Variants in CELF2 observed in about 807,000 individuals in gnomAD.
CELF2 encodes CUG triplet repeat RNA-binding protein 2.
CELF2 carries 8 observed loss-of-function variants against 62.6 expected under a neutral mutation model. That is an observed-to-expected ratio of 0.13 (90% CI 0.07 to 0.23). CELF2 has a LOEUF of 0.23. Ranked by LOEUF, CELF2 falls within the 10% of genes least tolerant of loss-of-function variation. CELF2 has a pLI of 1.00. For synonymous variants in CELF2, 258 were observed against 250.0 expected (o/e 1.03, Z -0.30); for missense variants, 333 against 671.0 (o/e 0.50, Z 5.56).
the CELF2 span, among the ~76,000 whole-genome samples, chr10:10,758,795 A>G: frequency 4.6e-5 from 7 of 152,250 alleles, no homozygotes; most frequent in Admixed American, 4.6e-4. Context: ...GTGCAATGAA[A>G]TAAGTCATCC....
chr10:10,912,957 G>A (rs368222490), intron 1 of CELF2, among the ~76,000 whole-genome samples: 33 of 152,312 alleles, frequency 2.2e-4, no homozygotes, highest in African/African-American at 7.0e-4. Context: ...GCTTTTCTAA[G>A]GATTAAGTGA....
At chr10:10,836,828 G>A (rs1208374531) in intron 1 of CELF2, among the ~76,000 whole-genome samples, 1 of 152,018 alleles carries the variant, frequency 6.6e-6, no homozygotes, top group Non-Finnish European at 1.5e-5. Flanking sequence ...ATAGAGATGG[G>A]GTTTCACCGC....
chr10:10,772,141 C>T, the CELF2 span, among the ~76,000 whole-genome samples: 8 of 151,830 alleles, frequency 5.3e-5, no homozygotes, highest in African/African-American at 1.5e-4. Flanking sequence ...TGTACCTTAC[C>T]GGAAGTATTA....
rs567206437 is a variant in CELF2, at chr10:11,280,786, G to A, written c.841+5666G>A. Among the ~76,000 whole-genome samples, 1 of 152,242 alleles carries A rather than the reference G, an allele frequency of 6.6e-6. No individual in the cohort carries two copies. The highest frequency in any genetic ancestry group is 2.1e-4 in the South Asian group (1 of 4,826). ...GAAACGGTGCCCTCACTGCCCTCCAGCCTCAGTCCTGGTTGGAGTGAGATG... is the reference window on the plus strand; with the variant it reads ...GAAACGGTGCCCTCACTGCCCTCCAACCTCAGTCCTGGTTGGAGTGAGATG... On this transcript the variant is annotated intron_variant, in intron 8 of 12. Transcript: ENST00000633077. The surrounding 1 kb of genome is among the most constrained non-coding windows in gnomAD (Gnocchi z 7.6).
chr10:11,209,944 G>A lies in CELF2; in HGVS notation c.272-7481G>A, dbSNP rs574875353. On this transcript the variant is annotated intron_variant, in intron 2 of 12. Transcript: ENST00000633077. The stretch of plus-strand genomic sequence containing the variant: ...GAAGCCAAGATCCCAGTTGCAGTTC[G>A]ACTTGTGTGAAGCAGGCACCTGCTT... 5.3e-5 allele frequency among the ~76,000 whole-genome samples: 8 copies of A among 152,298 alleles called. No individual in the cohort carries two copies. In the East Asian group the frequency reaches 1.2e-3, roughly 22 times the overall value.
the CELF2 span, among the ~76,000 whole-genome samples, chr10:10,587,701 A>T: frequency 6.6e-6 from 1 of 152,166 alleles, no homozygotes; most frequent in Non-Finnish European, 1.5e-5. Context: ...AAAACTATCC[A>T]CGTTAGCCCT....
At chr10:10,787,922 T>A in the CELF2 span, among the ~76,000 whole-genome samples, 2 of 152,198 alleles carry the variant, frequency 1.3e-5, no homozygotes, top group African/African-American at 4.8e-5. Context: ...GTTCAAATCA[T>A]TATGGGATGT....
rs1446396984 is a variant in CELF2, at chr10:11,336,138, G to A, written c.*7085G>A. ...CCACAGCAGTCGCACGCAGCCGATG[G>A]GCTCGGACTCTTAGCTGGCAGGCTA... On this transcript the variant is annotated 3_prime_UTR_variant, in exon 13 of 13. Coordinates refer to ENST00000633077, the MANE Select transcript of CELF2 (RefSeq NM_001326342.2). The surrounding 1 kb of genome is among the most constrained non-coding windows in gnomAD (Gnocchi z 5.4). The A allele has an allele frequency of 6.5e-6, 1 of 152,694 alleles. No individual in the cohort carries two copies. Among genetic ancestry groups the A allele is most frequent in the Non-Finnish European group, 1.5e-5 (1 of 68,050 alleles). 9.5% of individuals were successfully genotyped at this position (152,694 alleles called of 1,614,324 possible).
At chr10:11,216,367 C>T (rs1204801091) in intron 2 of CELF2, among the ~76,000 whole-genome samples, 8 of 152,136 alleles carry the variant, frequency 5.3e-5, no homozygotes, top group Non-Finnish European at 7.4e-5. Context: ...TGGCTCCGTG[C>T]GTTATGTTCC....
the CELF2 span, among the ~76,000 whole-genome samples, chr10:10,560,452 A>C: frequency 6.6e-6 from 1 of 152,208 alleles, no homozygotes; most frequent in Non-Finnish European, 1.5e-5. Context: ...CCAGCTTTCT[A>C]CCTGGCAGGA....
chr10:10,722,219 T>TAA, the CELF2 span, among the ~76,000 whole-genome samples: 2 of 152,132 alleles, frequency 1.3e-5, no homozygotes, highest in Non-Finnish European at 2.9e-5. Context: ...GGAGGATTGC[T>TAA]TAAGCCCAGA....
Position 10,993,721 on chromosome 10 carries a change from T to C in CELF2, c.89+73722T>C, listed in dbSNP as rs1192314826. On this transcript the variant is annotated intron_variant, in intron 2 of 13. Coordinates refer to the CELF2 transcript ENST00000636488. This position sits in a 1 kb window ranked among gnomAD's most constrained non-coding sequence, Gnocchi z 5.3. Reference sequence around the variant, plus strand: ...GAGGACAGTCCTGGATTGGATGTTTTCAGAAAGCATTGGATATCGATATGG... The same window carrying C: ...GAGGACAGTCCTGGATTGGATGTTTCCAGAAAGCATTGGATATCGATATGG... Among the ~76,000 whole-genome samples the C allele has an allele frequency of 1.3e-5, 2 of 152,198 alleles. No homozygotes were observed. The highest frequency in any genetic ancestry group is 2.4e-5 in the African/African-American group (1 of 41,458).
the CELF2 span, among the ~76,000 whole-genome samples, chr10:10,781,453 G>A: frequency 5.9e-5 from 9 of 152,188 alleles, no homozygotes; most frequent in Non-Finnish European, 1.2e-4. Flanking sequence ...CACAATCTAT[G>A]GCAGAAGGTG....
At chr10:10,783,966 G>A in the CELF2 span, among the ~76,000 whole-genome samples, 1 of 152,022 alleles carries the variant, frequency 6.6e-6, no homozygotes, top group African/African-American at 2.4e-5. Context: ...CTAGCCTGGT[G>A]GCAGAGCAAG....
At chr10:10,595,479 C>A in the CELF2 span, among the ~76,000 whole-genome samples, 1 of 152,112 alleles carries the variant, frequency 6.6e-6, no homozygotes, top group Non-Finnish European at 1.5e-5. Flanking sequence ...AGAGGTAGGG[C>A]TTAAACAGTG....
chr10:10,571,771 TG>T, the CELF2 span, among the ~76,000 whole-genome samples: 1 of 152,146 alleles, frequency 6.6e-6, no homozygotes, highest in Non-Finnish European at 1.5e-5. Context: ...GGAGTGACCG[TG>T]GGTCATGAGA....
chr10:11,146,884 A>C (rs114954814), intron 1 of CELF2, among the ~76,000 whole-genome samples: 19 of 152,346 alleles, frequency 1.2e-4, no homozygotes, highest in African/African-American at 4.3e-4. Flanking sequence ...GCAGCTCAGC[A>C]GCCAGCCTGT....
At chr10:10,742,750 A>G in the CELF2 span, among the ~76,000 whole-genome samples, 1 of 152,220 alleles carries the variant, frequency 6.6e-6, no homozygotes, top group South Asian at 2.1e-4. Context: ...CTGGCTGGCT[A>G]GCCAGCCTCA....
chr10:10,635,429 C>T, the CELF2 span, among the ~76,000 whole-genome samples: 5 of 152,154 alleles, frequency 3.3e-5, no homozygotes, highest in Admixed American at 1.3e-4. Flanking sequence ...TCTAGAAGGT[C>T]GTTCCACTTT....
Sources: allele counts gnomAD v4.1 joint callset (sites outside exome capture counted in the v4.1 genomes callset), GRCh38; gene constraint gnomAD v4.1.1; non-coding constraint Gnocchi (gnomAD v3.1); transcripts MANE v1.5; gene names NCBI Gene and HGNC (gene_info 2026-07-23, HGNC 2026-07-21).